Variants in LRP1B observed in about 807,000 individuals in gnomAD.
LRP1B encodes the protein LDL receptor related protein 1B.
A neutral mutation model predicts 556.6 loss-of-function variants in LRP1B; 217 were observed. The observed-to-expected ratio is 0.39, with a 90% CI of 0.35 to 0.44. The LOEUF (loss-of-function observed/expected upper bound fraction) is 0.44, where lower values mean the gene tolerates loss of function less well. LRP1B is among the 20% of genes least tolerant of loss of function. LRP1B has a pLI of 1.00. For synonymous variants in LRP1B, 2,047 were observed against 1,865.8 expected, an observed-to-expected ratio of 1.10 and a Z score of -2.50; for missense variants, 5,053 against 5,620.8, an observed-to-expected ratio of 0.90 and a Z score of 3.23.
intron 86 of LRP1B, among the ~76,000 whole-genome samples, chr2:140,248,884 C>A (rs988458361): frequency 6.7e-6 from 1 of 149,078 alleles, no homozygotes; most frequent in Admixed American, 6.7e-5. Context: ...TCTAATTTAC[C>A]CCCGAGAATA....
intron 68 of LRP1B, among the ~76,000 whole-genome samples, chr2:140,374,862 G>A (rs1240663883): frequency 1.3e-5 from 2 of 152,046 alleles, no homozygotes; most frequent in Non-Finnish European, 2.9e-5. Flanking sequence ...AAGTAAAGCA[G>A]CTCAATGACC....
Position 140,934,292 on chromosome 2 carries a change from A to G in LRP1B, c.3137-11145T>C, listed in dbSNP as rs143791247. The stretch of plus-strand genomic sequence containing the variant: ...AATTCAAAGCCAGTGCTTTACTCTC[A>G]ATAAAATTTAGTTACTGAAAAATAA... On this transcript the variant is annotated intron_variant, in intron 20 of 90. Coordinates refer to ENST00000389484, the MANE Select transcript of LRP1B (RefSeq NM_018557.3). Among the ~76,000 whole-genome samples, 55 of 152,268 alleles carry G rather than the reference A, an allele frequency of 3.6e-4. No individual in the cohort carries two copies. In the East Asian group the frequency reaches 9.5e-3, roughly 26 times the overall value.
chr2:141,756,937 A>C (rs1694344198), intron 2 of LRP1B, among the ~76,000 whole-genome samples: 1 of 152,178 alleles, frequency 6.6e-6, no homozygotes, highest in Non-Finnish European at 1.5e-5. Context: ...ATATAAAAAT[A>C]TATATCTATA....
intron 2 of LRP1B, among the ~76,000 whole-genome samples, chr2:141,513,326 T>C (rs994209050): frequency 3.3e-5 from 5 of 152,118 alleles, no homozygotes; most frequent in Non-Finnish European, 7.4e-5. Flanking sequence ...AGAAATTAAT[T>C]CCTTAATTTT....
At chr2:141,302,941 G>C (rs923617060) in intron 3 of LRP1B, among the ~76,000 whole-genome samples, 4 of 151,932 alleles carry the variant, frequency 2.6e-5, no homozygotes, top group Admixed American at 2.6e-4. Flanking sequence ...ATTGAAGAAG[G>C]ATAAAGAGGA....
chr2:141,825,172 A>G (rs564683215), intron 1 of LRP1B, among the ~76,000 whole-genome samples: 1 of 152,340 alleles, frequency 6.6e-6, no homozygotes, highest in East Asian at 1.9e-4. Flanking sequence ...GACCAGTACA[A>G]AAGGTAACAA....
intron 7 of LRP1B, among the ~76,000 whole-genome samples, chr2:141,112,618 T>A (rs1013041859): frequency 1.3e-5 from 2 of 152,190 alleles, no homozygotes; most frequent in African/African-American, 4.8e-5. Context: ...AAATACAATG[T>A]CCTTCAACAG....
chr2:142,031,331 T>C (rs1703688131), intron 1 of LRP1B, among the ~76,000 whole-genome samples: 3 of 14,826 alleles, frequency 2.0e-4, no homozygotes, highest in Admixed American at 1.6e-3. Context: ...ATTATACTTA[T>C]TTTTTTTTTT....
At chr2:141,708,446 G>A (rs373179020) in intron 2 of LRP1B, among the ~76,000 whole-genome samples, 71 of 152,170 alleles carry the variant, frequency 4.7e-4, no homozygotes, top group African/African-American at 1.6e-3. Flanking sequence ...CAGGAGAAAA[G>A]GGACTCACCT....
At chr2:140,843,830 A>G (rs1573793875) in intron 29 of LRP1B, among the ~76,000 whole-genome samples, 1 of 152,264 alleles carries the variant, frequency 6.6e-6, no homozygotes, top group East Asian at 1.9e-4. Context: ...GCTAATATAT[A>G]ACTACTTTCA....
chr2:140,872,239 G>A (rs1437153445), intron 25 of LRP1B, among the ~76,000 whole-genome samples: 1 of 151,752 alleles, frequency 6.6e-6, no homozygotes, highest in African/African-American at 2.4e-5. Context: ...AAAGAAAACA[G>A]AGAAGGCACC....
chr2:140,428,357 C>A (rs143567124), intron 66 of LRP1B, among the ~76,000 whole-genome samples: 1 of 152,138 alleles, frequency 6.6e-6, no homozygotes, highest in African/African-American at 2.4e-5. Flanking sequence ...AAATTCCAAA[C>A]GCCTAAACCG....
intron 2 of LRP1B, among the ~76,000 whole-genome samples, chr2:141,783,310 T>C (rs150511230): frequency 3.0e-4 from 46 of 151,834 alleles, no homozygotes; most frequent in Middle Eastern, 3.4e-3. Flanking sequence ...GAGAGAGGAG[T>C]TCATTTATGG....
rs138237325 is a variant in LRP1B at position 140,356,425 on chromosome 2, G to A, written c.11447C>T (p.Ala3816Val). ...AGATGTTTTTATTTGATTACAATATGCATCATCTCCACATGGATTCACATT... is the reference window on the plus strand; with the variant it reads ...AGATGTTTTTATTTGATTACAATATACATCATCTCCACATGGATTCACATT... ...EDNVNPCGDD[A>V]YCNQIKTSVF... Residue 3816 changes from alanine (A) to valine (V), a missense_variant, in exon 75 of 91, where the codon GCA becomes GTA. By Grantham distance (64) the Ala-to-Val change is moderately conservative. This residue lies in a region of LRP1B where 599 missense variants were observed against 648.4 expected (regional missense o/e 0.92). Coordinates refer to ENST00000389484, the MANE Select transcript of LRP1B (RefSeq NM_018557.3). 3,855 of 1,606,888 alleles carry A rather than the reference G, an allele frequency of 2.4e-3. 7 individuals carry two copies. Among genetic ancestry groups the A allele is most frequent in the Non-Finnish European group, 2.7e-3 (3,163 of 1,174,184 alleles).
chr2:141,663,932 A>C (rs891178269), intron 2 of LRP1B, among the ~76,000 whole-genome samples: 4 of 151,340 alleles, frequency 2.6e-5, no homozygotes, highest in African/African-American at 4.9e-5. Flanking sequence ...AAAAAAAAAA[A>C]AAAACAAAAA....
intron 1 of LRP1B, among the ~76,000 whole-genome samples, chr2:141,951,803 T>C (rs1292218915): frequency 6.6e-6 from 1 of 152,152 alleles, no homozygotes; most frequent in Non-Finnish European, 1.5e-5. Flanking sequence ...AGATGAGCTT[T>C]GATTAGAAAC....
chr2:140,940,551 C>CAA (rs1159083615), intron 20 of LRP1B, among the ~76,000 whole-genome samples: 6 of 152,106 alleles, frequency 3.9e-5, no homozygotes, highest in African/African-American at 1.4e-4. Context: ...AAGAACCTTG[C>CAA]AATACATAAA....
chr2:140,987,397 T>C (rs933173253), intron 17 of LRP1B, among the ~76,000 whole-genome samples: 5 of 152,224 alleles, frequency 3.3e-5, no homozygotes, highest in African/African-American at 9.6e-5. Context: ...GGTTTGGCCA[T>C]TGAAAATAAT....
intron 1 of LRP1B, among the ~76,000 whole-genome samples, chr2:141,893,294 G>A (rs909183990): frequency 6.6e-6 from 1 of 152,038 alleles, no homozygotes; most frequent in Non-Finnish European, 1.5e-5. Context: ...TCCACCTCCC[G>A]GATTCAGGTG....
Sources: gnomAD v4.1 joint callset for allele counts (sites outside exome capture counted in the v4.1 genomes callset) on GRCh38, gnomAD v4.1.1 for gene constraint, gnomAD v4.1.1 regional missense constraint, MANE v1.5 for transcripts, NCBI Gene and HGNC (gene_info 2026-07-23, HGNC 2026-07-21) for gene names.